MDGA2: variants seen among roughly 807,000 people sequenced by gnomAD.
MDGA2 encodes MAM domain-containing glycosylphosphatidylinositol anchor protein 2.
In MDGA2, 40 loss-of-function variants were observed where a neutral mutation model predicts 117.8. That is an observed-to-expected ratio of 0.34 (90% CI 0.26 to 0.44). MDGA2 has a LOEUF of 0.44. MDGA2 is among the 20% of genes least tolerant of loss of function. The probability of loss-of-function intolerance (pLI) is 1.00; values close to 1 mark genes in which losing one functional copy is unlikely to be tolerated. For synonymous variants in MDGA2, 452 were observed against 439.0 expected, an observed-to-expected ratio of 1.03 and a Z score of -0.37; for missense variants, 1,123 against 1,250.6, an observed-to-expected ratio of 0.90 and a Z score of 1.54.
intron 1 of MDGA2, among the ~76,000 whole-genome samples, chr14:47,490,370 G>T (rs893939396): frequency 1.3e-5 from 2 of 152,046 alleles, no homozygotes; most frequent in Non-Finnish European, 2.9e-5. Flanking sequence ...TACTATCAAA[G>T]AACCTAATTA....
At chr14:47,274,483 A>T (rs1208109602) in intron 2 of MDGA2, among the ~76,000 whole-genome samples, 1 of 152,042 alleles carries the variant, frequency 6.6e-6, no homozygotes, top group Non-Finnish European at 1.5e-5. Flanking sequence ...TCATCAACTG[A>T]CGGATATTTG....
chr14:47,223,811 C>T (rs1011511349), intron 2 of MDGA2, among the ~76,000 whole-genome samples: 8 of 152,156 alleles, frequency 5.3e-5, no homozygotes, highest in Non-Finnish European at 7.3e-5. Flanking sequence ...CACAGTTCTA[C>T]ATGGCTGAGG....
At chr14:47,367,407 G>A (rs1891254180) in intron 1 of MDGA2, among the ~76,000 whole-genome samples, 2 of 152,086 alleles carry the variant, frequency 1.3e-5, no homozygotes, top group East Asian at 1.9e-4. Context: ...AAAGACTAAC[G>A]TACAACAAAC....
chr14:47,528,679 G>A (rs1046809880), intron 1 of MDGA2, among the ~76,000 whole-genome samples: 1 of 152,142 alleles, frequency 6.6e-6, no homozygotes, highest in Admixed American at 6.5e-5. Flanking sequence ...ATAACGGAAA[G>A]TATTGATTAG....
At chr14:47,545,930 T>C (rs917824173) in intron 1 of MDGA2, among the ~76,000 whole-genome samples, 1 of 152,162 alleles carries the variant, frequency 6.6e-6, no homozygotes, top group African/African-American at 2.4e-5. Context: ...TTTTAAGTGT[T>C]CATCTCAGTA....
At chr14:47,051,501 A>C (rs1255168041) in intron 7 of MDGA2, among the ~76,000 whole-genome samples, 1 of 151,918 alleles carries the variant, frequency 6.6e-6, no homozygotes, top group Non-Finnish European at 1.5e-5. Context: ...TGAATGAAAA[A>C]TAATCAAAAG....
chr14:46,888,617 C>T (rs1882759140), intron 10 of MDGA2, among the ~76,000 whole-genome samples: 1 of 151,624 alleles, frequency 6.6e-6, no homozygotes, highest in Admixed American at 6.6e-5. Context: ...AATTTTTTCT[C>T]TTAATTTTAT....
chr14:47,171,998 C>G (rs968659541), intron 3 of MDGA2, among the ~76,000 whole-genome samples: 1 of 152,096 alleles, frequency 6.6e-6, no homozygotes, highest in African/African-American at 2.4e-5. Context: ...GATTATATCC[C>G]GCACATGGCT....
rs1889195872 is a variant in MDGA2, at chr14:47,299,302, G to A, written c.420+2109C>T. On this transcript the variant is annotated intron_variant, in intron 2 of 16. Transcript: ENST00000399232. ...AGGGGACAGGAGGATGGAGAGAGAG[G>A]CAGCAGAGCAACACCTGGGGTATGT... 4 of 151,998 alleles carry A rather than the reference G, an allele frequency of 2.6e-5. No homozygotes were observed. In the South Asian group the frequency reaches 8.3e-4, roughly 31 times the overall value. 9.4% of individuals were successfully genotyped at this position (151,998 alleles called of 1,614,324 possible). A position where few individuals can be genotyped will look rare whatever the true frequency, so the allele number is the denominator to read the frequency against.
intron 7 of MDGA2, among the ~76,000 whole-genome samples, chr14:47,052,858 T>A (rs946504144): frequency 2.6e-5 from 4 of 151,890 alleles, no homozygotes; most frequent in African/African-American, 9.7e-5. Context: ...TGACCTCTTA[T>A]CTTGACCTTC....
chr14:47,257,663 A>C (rs1286625344), intron 2 of MDGA2, among the ~76,000 whole-genome samples: 4 of 152,128 alleles, frequency 2.6e-5, no homozygotes, highest in Non-Finnish European at 5.9e-5. Context: ...AATTTTTTAA[A>C]CTGACTACAT....
intron 1 of MDGA2, among the ~76,000 whole-genome samples, chr14:47,394,842 T>C (rs1479942568): frequency 1.3e-5 from 2 of 152,134 alleles, no homozygotes; most frequent in South Asian, 2.1e-4. Flanking sequence ...AAATATAAAG[T>C]TATGTATTAA....
chr14:47,618,289 T>C (rs1896984136), intron 1 of MDGA2, among the ~76,000 whole-genome samples: 1 of 152,240 alleles, frequency 6.6e-6, no homozygotes, highest in Admixed American at 6.5e-5. Flanking sequence ...TTTTTGCAGA[T>C]GCAAAATTCA....
At position 46,957,452 on chromosome 14, in the gene MDGA2, A is replaced by G. The variant is rs371138529; in HGVS notation, c.2011T>C (p.Ser671Pro). 1.9e-6 allele frequency: 3 copies of G among 1,614,116 alleles called. No homozygotes were observed. In the South Asian group the frequency reaches 3.3e-5, roughly 18 times the overall value. ...EYTEYAVKSLSNENYGVYNCS... is the reference protein window; with the variant it reads ...EYTEYAVKSLPNENYGVYNCS... ...TTATAAACCCCATAGTTTTCATTGG[A>G]AAGACTCTTCACAGCGTACTCTGTG... is the stretch of plus-strand genomic sequence containing the variant. Residue 671 changes from serine to proline, a missense_variant, in exon 9 of 17, where the codon TCC becomes CCC. Physicochemically the swap from Ser to Pro is moderately conservative, Grantham distance 74. Transcript: ENST00000399232.
At chr14:47,630,812 A>T (rs1157517480) in intron 1 of MDGA2, among the ~76,000 whole-genome samples, 1 of 152,186 alleles carries the variant, frequency 6.6e-6, no homozygotes, top group East Asian at 1.9e-4. Context: ...CATTTCTAAG[A>T]TTCTTTTCTA....
In MDGA2 at chr14:47,012,390, C is replaced by A. The variant is rs1490806131; in HGVS notation, c.1819+22621G>T. 5.9e-5 allele frequency among the ~76,000 whole-genome samples: 9 copies of A among 152,056 alleles called. No homozygotes were observed. In the South Asian group the frequency reaches 1.5e-3, roughly 25 times the overall value. ...ATTTAGTAATTTTTTATTAATAGTT[C>A]ATTTTCAAATACCAATTTAGTGTCA... is the stretch of plus-strand genomic sequence containing the variant. On this transcript the variant is annotated intron_variant, in intron 8 of 16. Transcript: ENST00000399232.
intron 6 of MDGA2, among the ~76,000 whole-genome samples, chr14:47,086,787 C>T (rs908535856): frequency 6.6e-6 from 1 of 152,110 alleles, no homozygotes; most frequent in Non-Finnish European, 1.5e-5. Context: ...TGGCACCATC[C>T]TCTGAGGAAT....
At chr14:47,243,219 C>G (rs1335272944) in intron 2 of MDGA2, among the ~76,000 whole-genome samples, 1 of 151,458 alleles carries the variant, frequency 6.6e-6, no homozygotes, top group Non-Finnish European at 1.5e-5. Flanking sequence ...ACCTGTGTGT[C>G]TAAACTCTAT....
intron 7 of MDGA2, among the ~76,000 whole-genome samples, chr14:47,049,036 C>T (rs894464294): frequency 3.3e-5 from 5 of 151,972 alleles, no homozygotes; most frequent in Non-Finnish European, 5.9e-5. Context: ...TATGGTTTTA[C>T]ATTGCATTTT....
Sources: gnomAD v4.1 joint callset for allele counts (sites outside exome capture counted in the v4.1 genomes callset) on GRCh38, gnomAD v4.1.1 for gene constraint, MANE v1.5 for transcripts, NCBI Gene and HGNC (gene_info 2026-07-23, HGNC 2026-07-21) for gene names.